Variants in PPM1H observed in about 807,000 individuals in gnomAD.
PPM1H encodes the protein protein phosphatase 1H.
PPM1H carries 27 observed loss-of-function variants against 54.9 expected under a neutral mutation model. The ratio of observed to expected loss-of-function variants is 0.49; its 90% CI spans 0.36 to 0.68. The LOEUF (loss-of-function observed/expected upper bound fraction) is 0.68, where lower values mean the gene tolerates loss of function less well. Among genes scored for constraint, PPM1H ranks in the 30% least tolerant of loss-of-function variants. The pLI, the probability that PPM1H is intolerant of heterozygous loss-of-function variation, is 0.00. For synonymous variants in PPM1H, 305 were observed against 270.8 expected (o/e 1.13, Z -1.24); for missense variants, 596 against 667.8 (o/e 0.89, Z 1.19).
At chr12:62,845,189 G>T (rs902045534) in intron 1 of PPM1H, among the ~76,000 whole-genome samples, 2 of 152,234 alleles carry the variant, frequency 1.3e-5, no homozygotes, top group Non-Finnish European at 2.9e-5. Context: ...GTAGCAGAAA[G>T]ATAATTCTGA....
At chr12:62,859,687 T>C (rs1483214582) in intron 1 of PPM1H, among the ~76,000 whole-genome samples, 1 of 152,122 alleles carries the variant, frequency 6.6e-6, no homozygotes, top group East Asian at 1.9e-4. Context: ...AGTTAGGAAA[T>C]AGATCACCTG....
At chr12:62,896,131 G>A (rs1333648039) in intron 1 of PPM1H, among the ~76,000 whole-genome samples, 7 of 152,038 alleles carry the variant, frequency 4.6e-5, no homozygotes, top group Non-Finnish European at 8.8e-5. Context: ...TGTGAATACC[G>A]GCTAATTATT....
chr12:62,660,015 C>T (rs1437902441), intron 9 of PPM1H, among the ~76,000 whole-genome samples: 1 of 152,228 alleles, frequency 6.6e-6, no homozygotes, highest in African/African-American at 2.4e-5. Context: ...TAGGAACTCT[C>T]TGGCCAAGGA....
At chr12:62,897,432 A>G (rs1437114305) in intron 1 of PPM1H, among the ~76,000 whole-genome samples, 1 of 152,182 alleles carries the variant, frequency 6.6e-6, no homozygotes, top group Non-Finnish European at 1.5e-5. Flanking sequence ...GGAAAATTCA[A>G]CACCAAATCT....
intron 8 of PPM1H, among the ~76,000 whole-genome samples, chr12:62,682,551 G>A (rs1278280028): frequency 6.6e-6 from 1 of 152,194 alleles, no homozygotes; most frequent in Non-Finnish European, 1.5e-5. Context: ...ACCAAGGCTC[G>A]AGAGCAGTGG....
At chr12:62,732,105 C>T (rs539966230) in intron 5 of PPM1H, among the ~76,000 whole-genome samples, 105 of 152,282 alleles carry the variant, frequency 6.9e-4, no homozygotes, top group African/African-American at 9.6e-4. Context: ...GGGTTAGTCA[C>T]GACTGCAGAT....
intron 1 of PPM1H, among the ~76,000 whole-genome samples, chr12:62,898,716 T>C (rs931173082): frequency 2.6e-5 from 4 of 152,172 alleles, no homozygotes; most frequent in Admixed American, 2.0e-4. Context: ...TATTTGGTAA[T>C]TACCAACCCA....
intron 1 of PPM1H, among the ~76,000 whole-genome samples, chr12:62,924,869 C>T (rs558698746): frequency 6.6e-6 from 1 of 151,890 alleles, no homozygotes; most frequent in African/African-American, 2.4e-5. Flanking sequence ...TGGCAAAACC[C>T]CATCTCTACC....
chr12:62,681,652 G>A (rs1057452029), intron 8 of PPM1H, among the ~76,000 whole-genome samples: 5 of 152,024 alleles, frequency 3.3e-5, no homozygotes, highest in African/African-American at 9.7e-5. Flanking sequence ...TTTTTCTTTA[G>A]ATGATATACT....
intron 1 of PPM1H, among the ~76,000 whole-genome samples, chr12:62,909,364 A>C (rs1391888283): frequency 6.6e-6 from 1 of 152,014 alleles, no homozygotes; most frequent in Non-Finnish European, 1.5e-5. Context: ...AAAATCTCCC[A>C]CTGACCTTCC....
chr12:62,837,319 A>T (rs144120443), intron 1 of PPM1H, among the ~76,000 whole-genome samples: 1 of 152,234 alleles, frequency 6.6e-6, no homozygotes. Context: ...TAAGTACCTC[A>T]AGTATTCTCA....
At chr12:62,712,939 T>C (rs1025345025) in intron 6 of PPM1H, among the ~76,000 whole-genome samples, 1 of 152,246 alleles carries the variant, frequency 6.6e-6, no homozygotes, top group Non-Finnish European at 1.5e-5. Flanking sequence ...GGCGCAGCTC[T>C]GGAGTTGGCT....
At chr12:62,776,917 A>G (rs1170894919) in intron 4 of PPM1H, among the ~76,000 whole-genome samples, 1 of 152,228 alleles carries the variant, frequency 6.6e-6, no homozygotes, top group African/African-American at 2.4e-5. Flanking sequence ...ACACACCAGT[A>G]AGGACTGCTC....
intron 9 of PPM1H, among the ~76,000 whole-genome samples, 165 bp from the exon 10 acceptor site, chr12:62,648,801 C>G (rs1362720799): frequency 1.3e-5 from 2 of 152,182 alleles, no homozygotes; most frequent in African/African-American, 2.4e-5. Flanking sequence ...ATGTAGGACA[C>G]CTAATGTGAG....
chr12:62,689,950 T>C, intron 7 of PPM1H, 144 bp from the exon 8 acceptor site: 1 of 551,302 alleles, frequency 1.8e-6, no homozygotes, highest in Non-Finnish European at 3.3e-6. Context: ...GCTGCTAACA[T>C]ACGTGGATAG....
intron 1 of PPM1H, among the ~76,000 whole-genome samples, chr12:62,912,896 C>T (rs1325198641): frequency 1.3e-5 from 2 of 152,218 alleles, no homozygotes; most frequent in Admixed American, 6.5e-5. Flanking sequence ...CTGGCACTGT[C>T]AAAAACCATT....
chr12:62,819,937 C>T (rs1368972471), intron 2 of PPM1H, among the ~76,000 whole-genome samples: 1 of 152,186 alleles, frequency 6.6e-6, no homozygotes, highest in African/African-American at 2.4e-5. Flanking sequence ...ACAGTGAGTG[C>T]AGCCCAAAGA....
chr12:62,892,663 T>C (rs1870840456), intron 1 of PPM1H, among the ~76,000 whole-genome samples: 1 of 152,216 alleles, frequency 6.6e-6, no homozygotes, highest in Non-Finnish European at 1.5e-5. Context: ...ACCAACAGTA[T>C]ACATCAACAC....
At chr12:62,773,142 G>A (rs1387088428) in intron 4 of PPM1H, among the ~76,000 whole-genome samples, 1 of 149,946 alleles carries the variant, frequency 6.7e-6, no homozygotes, top group Non-Finnish European at 1.5e-5. Flanking sequence ...GCGAGACTCC[G>A]TCTCAAAAAA....
Sources: gnomAD v4.1 joint callset for allele counts (sites outside exome capture counted in the v4.1 genomes callset) on GRCh38, gnomAD v4.1.1 for gene constraint, MANE v1.5 for transcripts, NCBI Gene and HGNC (gene_info 2026-07-23, HGNC 2026-07-21) for gene names.